The following MTCL1 variants were observed in gnomAD, a reference collection of about 807,000 sequenced individuals.
MTCL1 encodes microtubule crosslinking factor 1.
MTCL1 carries 79 observed loss-of-function variants against 141.4 expected under a neutral mutation model. That is an observed-to-expected ratio of 0.56 (90% confidence interval 0.47 to 0.67). The LOEUF (loss-of-function observed/expected upper bound fraction) is 0.67. MTCL1 is among the 30% of genes least tolerant of loss of function. The probability of loss-of-function intolerance (pLI) is 0.00; values close to 1 mark genes in which losing one functional copy is unlikely to be tolerated. For synonymous variants in MTCL1, 914 were observed against 875.8 expected (o/e 1.04, Z -0.77); for missense variants, 2,177 against 2,113.9 (o/e 1.03, Z -0.59).
At chr18:8,711,694 A>G (rs2096093402) in intron 1 of MTCL1, among the ~76,000 whole-genome samples, 1 of 151,162 alleles carries the variant, frequency 6.6e-6, no homozygotes, top group Admixed American at 6.6e-5. Context: ...TCTTCTTTTG[A>G]GAAGTGTCTG....
At chr18:8,784,634 G>A (rs1568029229) in exon 6 of MTCL1, 1 of 1,613,862 alleles carries the variant, frequency 6.2e-7, no homozygotes, top group Non-Finnish European at 8.5e-7. Flanking sequence ...GGACCAGCAG[G>A]AGCCCCAGCT....
At chr18:8,774,847 A>G (rs2096499280) in intron 4 of MTCL1, among the ~76,000 whole-genome samples, 1 of 152,074 alleles carries the variant, frequency 6.6e-6, no homozygotes, top group African/African-American at 2.4e-5. Context: ...GCCACTGTGA[A>G]TGGAGTCTGT....
At chr18:8,741,587 C>T (rs2096303590) in intron 4 of MTCL1, among the ~76,000 whole-genome samples, 1 of 152,148 alleles carries the variant, frequency 6.6e-6, no homozygotes, top group African/African-American at 2.4e-5. Flanking sequence ...AAATGGAAAA[C>T]TGTGACTGAG....
intron 1 of MTCL1, chr18:8,706,957 G>T (rs1490070939): frequency 3.5e-6 from 2 of 565,932 alleles, no homozygotes; most frequent in Non-Finnish European, 5.8e-6. Context: ...GAACTCTTGC[G>T]TCTCTTCGCT....
intron 4 of MTCL1, among the ~76,000 whole-genome samples, chr18:8,726,894 C>T (rs1337127351): frequency 6.6e-6 from 1 of 152,172 alleles, no homozygotes; most frequent in Non-Finnish European, 1.5e-5. Context: ...GCACCCACCA[C>T]CCGAACGGTG....
chr18:8,734,169 C>T (rs1301964512), intron 4 of MTCL1, among the ~76,000 whole-genome samples: 5 of 151,926 alleles, frequency 3.3e-5, no homozygotes, highest in South Asian at 2.1e-4. Context: ...GGATGCTTAA[C>T]GGTGTTCCTA....
chr18:8,780,246 C>T (rs190652481), intron 5 of MTCL1, among the ~76,000 whole-genome samples: 47 of 152,352 alleles, frequency 3.1e-4, no homozygotes, highest in African/African-American at 1.0e-3. Context: ...CAGAGTGGGA[C>T]TGCCTGAGTC....
At position 8,810,325 on chromosome 18, in the gene MTCL1, T is replaced by G. The variant is rs2076441900; in HGVS notation, c.2605-2654T>G. ...CGGAGTCATGGGGACGCCTGTCCAGTGAGACCTGACAGTGCAGGGCCACTG... is the reference window on the plus strand; with the variant it reads ...CGGAGTCATGGGGACGCCTGTCCAGGGAGACCTGACAGTGCAGGGCCACTG... On this transcript the variant is annotated intron_variant, in intron 11 of 16. Transcript: ENST00000359865. The surrounding 1 kb of genome is among the most constrained non-coding windows in gnomAD (Gnocchi z 5.0). 6.6e-6 allele frequency: 1 copy of G among 152,326 alleles called. No homozygotes were observed. Among genetic ancestry groups the G allele is most frequent in the Admixed American group, 6.5e-5 (1 of 15,280 alleles). The allele number at this position is 152,326 out of a possible 1,614,324, so 9.4% of individuals were successfully genotyped here.
intron 7 of MTCL1, 41 bp downstream of exon 6, chr18:8,786,132 T>A: frequency 1.2e-6 from 1 of 857,216 alleles, no homozygotes; most frequent in Non-Finnish European, 1.5e-6. Flanking sequence ...GCCCTCCCCC[T>A]CCTTTTTCTG....
At chr18:8,714,635 TACTC>T (rs894772366), upstream of MTCL1, among the ~76,000 whole-genome samples, 2 of 152,140 alleles carry the variant, frequency 1.3e-5, no homozygotes, top group African/African-American at 4.8e-5. Context: ...TCTTGAGACT[TACTC>T]ACTGTCACGA....
At chr18:8,708,806 C>G (rs1376539694) in intron 1 of MTCL1, among the ~76,000 whole-genome samples, 1 of 152,174 alleles carries the variant, frequency 6.6e-6, no homozygotes, top group Admixed American at 6.5e-5. Context: ...GGGGACTGTT[C>G]AGTTGCCATT....
At chr18:8,786,116 C>CCCA (rs1555655980) in intron 7 of MTCL1, 25 bp downstream of exon 6, 6 of 1,393,690 alleles carry the variant, frequency 4.3e-6, no homozygotes, top group Admixed American at 5.0e-5. Context: ...GCAATCCCCC[C>CCCA]CCCCCGCCCT....
intron 11 of MTCL1, chr18:8,809,392 A>G (rs2076404433): frequency 6.6e-6 from 10 of 1,521,196 alleles, no homozygotes; most frequent in Non-Finnish European, 7.9e-6. Context: ...TTTTGAAAGG[A>G]AGTATGGAAT....
chr18:8,825,278 C>T (rs1490166389), exon 15 of MTCL1: 2 of 1,561,298 alleles, frequency 1.3e-6, no homozygotes, highest in African/African-American at 1.4e-5. Flanking sequence ...CACGGCGCCC[C>T]CTTGATAGTC....
chr18:8,831,765 T>C (rs2077199898), exon 17 of MTCL1: 2 of 1,550,274 alleles, frequency 1.3e-6, no homozygotes, highest in Non-Finnish European at 1.7e-6. Flanking sequence ...AGGAGCATGG[T>C]GGCGAGGAGC....
Position 8,826,025 on chromosome 18 carries a change from G to A in MTCL1, c.4515G>A (p.Arg1505=). 4 of 1,610,484 alleles carry A rather than the reference G, an allele frequency of 2.5e-6. No homozygotes were observed. In the South Asian group the frequency reaches 4.4e-5, roughly 18 times the overall value. Residue 1505 remains arginine, a synonymous_variant, in exon 15 of 17, where the codon AGG becomes AGA. Transcript: ENST00000359865. ...TTGGGGTGGGGTCAGAGATGTGCAGGGAGGAAGGGGGAGAGGGCACGCCAG... is the reference window on the plus strand; with the variant it reads ...TTGGGGTGGGGTCAGAGATGTGCAGAGAGGAAGGGGGAGAGGGCACGCCAG...
chr18:8,771,598 A>G (rs2143049678), intron 4 of MTCL1, among the ~76,000 whole-genome samples: 1 of 152,236 alleles, frequency 6.6e-6, no homozygotes, highest in Middle Eastern at 3.4e-3. Context: ...AGCAATTGAG[A>G]GCTTATTAAT....
chr18:8,782,891 G>C (rs1015553244), intron 5 of MTCL1, among the ~76,000 whole-genome samples: 1 of 152,154 alleles, frequency 6.6e-6, no homozygotes, highest in African/African-American at 2.4e-5. Context: ...ATTCTTGTGG[G>C]ACATTAGGGC....
At chr18:8,710,196 T>G (rs2096079425) in intron 1 of MTCL1, among the ~76,000 whole-genome samples, 1 of 152,242 alleles carries the variant, frequency 6.6e-6, no homozygotes, top group South Asian at 2.1e-4. Flanking sequence ...CCTTGTGTTG[T>G]GCTGTAACAG....
Sources: gnomAD v4.1 joint callset for allele counts (sites outside exome capture counted in the v4.1 genomes callset) on GRCh38, gnomAD v4.1.1 for gene constraint, Gnocchi (gnomAD v3.1) non-coding constraint, MANE v1.5 for transcripts, NCBI Gene and HGNC (gene_info 2026-07-23, HGNC 2026-07-21) for gene names.